Variants in NLRP9 observed in about 807,000 individuals in gnomAD.
NLRP9 encodes the protein NACHT, LRR and PYD domains-containing protein 9.
A neutral mutation model predicts 83.1 loss-of-function variants in NLRP9; 88 were observed. That is an observed-to-expected ratio of 1.06 (90% CI 0.89 to 1.26). The LOEUF is 1.26. Among genes scored for constraint, NLRP9 ranks in the 50% most tolerant of loss-of-function variants. The pLI is 0.00. For missense variants in NLRP9, 1,308 were observed against 1,179.3 expected, an observed-to-expected ratio of 1.11 and a Z score of -1.60; for synonymous variants, 521 against 447.6, an observed-to-expected ratio of 1.16 and a Z score of -2.07.
In NLRP9 at chr19:55,716,744, C is replaced by G. The variant is rs779213996; in HGVS notation, c.2314G>C (p.Ala772Pro). 2 of 1,613,800 alleles carry G rather than the reference C, an allele frequency of 1.2e-6. No individual in the cohort carries two copies. Among genetic ancestry groups the G allele is most frequent in the Admixed American group, 1.7e-5 (1 of 60,008 alleles). The change falls in exon 5 of 9, where the codon GCC becomes CCC. Residue 772 changes from alanine to proline, a missense_variant. Ala to Pro is a conservative substitution (Grantham distance 27). Coordinates refer to ENST00000332836, the MANE Select transcript of NLRP9 (RefSeq NM_176820.4). ...CCAACTTACATCAGCCTCTCCAGGGCACAGTGTGAGTGCTTCAGGGCTTCA... is the reference window on the plus strand; with the variant it reads ...CCAACTTACATCAGCCTCTCCAGGGGACAGTGTGAGTGCTTCAGGGCTTCA... Reference protein sequence around the residue: ...LCEALKHSHCALERLMLMYCC... With the variant: ...LCEALKHSHCPLERLMLMYCC...
chr19:55,714,713 C>T (rs574702364), intron 6 of NLRP9, among the ~76,000 whole-genome samples: 7 of 152,212 alleles, frequency 4.6e-5, no homozygotes, highest in Admixed American at 1.3e-4. Flanking sequence ...GTTCTGGAGC[C>T]GGGAAGTCCA....
chr19:55,731,779 T>C (rs1988578072), intron 2 of NLRP9, among the ~76,000 whole-genome samples: 1 of 151,230 alleles, frequency 6.6e-6, no homozygotes, highest in Admixed American at 6.6e-5. Flanking sequence ...ACGAGCCCTA[T>C]GAAGTAGACA....
intron 3 of NLRP9, 43 bp from the exon 4 acceptor site, chr19:55,724,187 C>A: frequency 7.0e-7 from 1 of 1,419,584 alleles, no homozygotes; most frequent in East Asian, 2.4e-5. Context: ...CAATGAGATC[C>A]CAGCACAAAG....
Position 55,732,650 on chromosome 19 carries a change from C to G in NLRP9, c.1181G>C (p.Ser394Thr), listed in dbSNP as rs1362622267. The change falls in exon 2 of 9, where the codon AGC (serine) becomes ACC (threonine). Residue 394 changes from serine to threonine, a missense_variant. Physicochemically the swap from Ser to Thr is moderately conservative, Grantham distance 58. Coordinates refer to ENST00000332836, the MANE Select transcript of NLRP9 (RefSeq NM_176820.4). ...PPKVNRARLK[S>T]LCALAAEGIW... Reference sequence around the variant, plus strand: ...TCCCTCTGCAGCCAAAGCACACAGGCTTTTTAGTCGGGCTCTGTTCACCTT... The same window carrying G: ...TCCCTCTGCAGCCAAAGCACACAGGGTTTTTAGTCGGGCTCTGTTCACCTT... 2 of 1,614,196 alleles carry G rather than the reference C, an allele frequency of 1.2e-6. No individual in the cohort carries two copies. The highest frequency in any genetic ancestry group is 3.3e-5 in the Admixed American group (2 of 60,024).
intron 1 of NLRP9, chr19:55,737,431 G>C (rs910291593): frequency 6.6e-6 from 1 of 152,338 alleles, no homozygotes; most frequent in African/African-American, 2.4e-5. Flanking sequence ...CTGGGTCAAA[G>C]ACGATGACAA....
intron 2 of NLRP9, 31 bp from the exon 3 acceptor site, chr19:55,730,023 G>A (rs1200071706): frequency 6.3e-7 from 1 of 1,594,406 alleles, no homozygotes; most frequent in Non-Finnish European, 8.6e-7. Flanking sequence ...TGATTCTCCA[G>A]TGGCTAAACT....
chr19:55,721,687 C>T (rs1256175303), intron 4 of NLRP9, among the ~76,000 whole-genome samples: 2 of 152,134 alleles, frequency 1.3e-5, no homozygotes, highest in Non-Finnish European at 2.9e-5. Flanking sequence ...AAATCTCATC[C>T]TGTAGCTCCC....
At chr19:55,724,294 G>A (rs1018486319) in intron 3 of NLRP9, 150 bp from the exon 4 acceptor site, 1 of 594,286 alleles carries the variant, frequency 1.7e-6, no homozygotes, top group Admixed American at 3.1e-5. Context: ...ATTATTTCTC[G>A]ATGGGGTTTT....
Position 55,733,441 on chromosome 19 carries a change from A to AT in NLRP9, c.389dup (p.Asn130LysfsTer2). 6.2e-7 allele frequency: 1 copy of AT among 1,613,700 alleles called. No homozygotes were observed. Among genetic ancestry groups the AT allele is most frequent in the Non-Finnish European group, 8.5e-7 (1 of 1,179,832 alleles). ...ATGCGTCATTCAATTCTTTATACTC[A>AT]TTTTTCATGGTTTCTTTGTAGAAAT... On this transcript the variant is annotated frameshift_variant, in exon 2 of 9. Coordinates refer to ENST00000332836, the MANE Select transcript of NLRP9 (RefSeq NM_176820.4). LOFTEE classifies it high-confidence loss of function.
chr19:55,725,573 GGAGTGATCCCCTAAATGTCT>G (rs1988374811), intron 3 of NLRP9, among the ~76,000 whole-genome samples: 1 of 152,120 alleles, frequency 6.6e-6, no homozygotes, highest in Admixed American at 6.5e-5. Flanking sequence ...GACTGCGGGC[GGAGTGATCCCCTAAATGTCT>G]GAGTGACACC....
In NLRP9 at chr19:55,716,715, C is replaced by T; in HGVS notation, c.2330+13G>A. On this transcript the variant is annotated intron_variant, in intron 5 of 8. Transcript: ENST00000332836. ...CAGAAATCTCCGAACGTGCTTCCCG[C>T]AGACCAACTTACATCAGCCTCTCCA... 6.2e-7 allele frequency: 1 copy of T among 1,610,512 alleles called. No homozygotes were observed. Among genetic ancestry groups the T allele is most frequent in the South Asian group, 1.1e-5 (1 of 91,022 alleles).
rs1988626875 is a variant in NLRP9 at position 55,732,821 on chromosome 19, G to A, written c.1010C>T (p.Pro337Leu). ...AGTACAGACCAACCAGCACGTAAAG[G>A]GATTATGGCACAAGATAAACAGCGG... Reference protein sequence around the residue: ...NGPLFILCHNPFTCWLVCTCV... With the variant: ...NGPLFILCHNLFTCWLVCTCV... The change falls in exon 2 of 9, where the codon CCC becomes CTC. Residue 337 changes from proline to leucine, a missense_variant. By Grantham distance (98) the Pro-to-Leu change is moderately conservative. Coordinates refer to ENST00000332836, the MANE Select transcript of NLRP9 (RefSeq NM_176820.4). The A allele has an allele frequency of 6.2e-7, 1 of 1,614,060 alleles. No individual in the cohort carries two copies. The highest frequency in any genetic ancestry group is 8.5e-7 in the Non-Finnish European group (1 of 1,180,012).
Position 55,715,074 on chromosome 19 carries a change from A to G in NLRP9, c.2482T>C (p.Cys828Arg). Residue 828 changes from cysteine (C) to arginine (R), a missense_variant, in exon 6 of 9, where the codon TGC becomes CGC. Transcript: ENST00000332836. ...TCCTACCACAGCTCCCGTATGCTGC[A>G]GCCTGGGTGCTTCAGCGCTGCACAC... ...SLCAALKHPG[C>R]SIRELWLMGC... 6.2e-7 allele frequency: 1 copy of G among 1,611,966 alleles called. No individual in the cohort carries two copies. The highest frequency in any genetic ancestry group is 1.3e-5 in the African/African-American group (1 of 75,028).
Position 55,732,184 on chromosome 19 carries a change from C to A in NLRP9, c.1647G>T (p.Leu549Phe). Residue 549 changes from leucine to phenylalanine, a missense_variant, in exon 2 of 9, where the codon TTG (leucine) becomes TTT (phenylalanine). Coordinates refer to ENST00000332836, the MANE Select transcript of NLRP9 (RefSeq NM_176820.4). The part of the protein sequence containing the change: ...AIAFQELFIG[L>F]FETQEKEFVT... ...CAAATTCTTTTTCCTGAGTTTCAAACAAACCAATGAATAGTTCCTGGAAAG... is the reference window on the plus strand; with the variant it reads ...CAAATTCTTTTTCCTGAGTTTCAAAAAAACCAATGAATAGTTCCTGGAAAG... 6.2e-7 allele frequency: 1 copy of A among 1,613,182 alleles called. No homozygotes were observed.
chr19:55,715,336 T>A, intron 5 of NLRP9, 111 bp from the exon 6 acceptor site: 1 of 940,568 alleles, frequency 1.1e-6, no homozygotes, highest in African/African-American at 1.7e-5. Flanking sequence ...ATTACCATAT[T>A]TTCTTTGTCC....
rs759047510 is a variant in NLRP9, at chr19:55,738,304, C to T, written c.71G>A (p.Trp24Ter). The T allele has an allele frequency of 9.9e-6, 16 of 1,614,050 alleles. No homozygotes were observed. The Middle Eastern group carries it at 8.2e-4, about 83-fold the overall frequency. The change falls in exon 1 of 9, where the codon TGG (tryptophan) becomes TAG (stop). Residue 24 changes from tryptophan (W) to a stop codon, truncating the protein, a stop_gained. Coordinates refer to ENST00000332836, the MANE Select transcript of NLRP9 (RefSeq NM_176820.4). LOFTEE classifies it high-confidence loss of function. Reference sequence around the variant, plus strand: ...TTGTTTGAGGAGCTCCTTAAATTTCCAAAACTCTTCCTTTCTGAGCTCCTT... The same window carrying T: ...TTGTTTGAGGAGCTCCTTAAATTTCTAAAACTCTTCCTTTCTGAGCTCCTT... ...YLKELRKEEF[W>*]KFKELLKQPL...
At chr19:55,729,431 T>C (rs1030030740) in intron 3 of NLRP9, among the ~76,000 whole-genome samples, 3 of 152,130 alleles carry the variant, frequency 2.0e-5, no homozygotes, top group African/African-American at 4.8e-5. Flanking sequence ...TTCCCCTTCC[T>C]GTGCCCATGT....
At chr19:55,709,134 T>C in intron 8 of NLRP9, 90 bp from the exon 9 acceptor site, 1 of 849,138 alleles carries the variant, frequency 1.2e-6, no homozygotes. Context: ...TCTCCTCTCC[T>C]CTTTATTCTT....
chr19:55,710,405 T>G (rs1987663467), intron 8 of NLRP9, among the ~76,000 whole-genome samples: 1 of 152,116 alleles, frequency 6.6e-6, no homozygotes. Context: ...TGTGCCCCCT[T>G]CACTTGGGGT....
Sources: allele counts gnomAD v4.1 joint callset (sites outside exome capture counted in the v4.1 genomes callset), GRCh38; gene constraint gnomAD v4.1.1; transcripts MANE v1.5; gene names NCBI Gene and HGNC (gene_info 2026-07-23, HGNC 2026-07-21).